Variants in CREBL2 observed in about 807,000 individuals in gnomAD.
CREBL2 encodes cAMP responsive element binding protein like 2.
In CREBL2, 4 loss-of-function variants were observed where a neutral mutation model predicts 19.5. The observed-to-expected ratio is 0.20, with a 90% CI of 0.10 to 0.47. The LOEUF (loss-of-function observed/expected upper bound fraction) is 0.47, where lower values mean the gene tolerates loss of function less well. Ranked by LOEUF, CREBL2 falls within the 20% of genes least tolerant of loss-of-function variation. CREBL2 has a pLI of 0.98. For synonymous variants in CREBL2, 42 were observed against 46.6 expected (o/e 0.90, Z 0.40); for missense variants, 85 against 145.1 (o/e 0.59, Z 2.13).
At chr12:12,621,103 G>T (rs1224022900) in intron 1 of CREBL2, among the ~76,000 whole-genome samples, 4 of 152,228 alleles carry the variant, frequency 2.6e-5, no homozygotes, top group Admixed American at 2.6e-4. Flanking sequence ...CAGACTTTCT[G>T]TAAAGGGCCA....
intron 1 of CREBL2, among the ~76,000 whole-genome samples, chr12:12,621,599 G>A (rs1246263447): frequency 6.6e-6 from 1 of 151,890 alleles, no homozygotes; most frequent in Non-Finnish European, 1.5e-5. Context: ...TTAACCCTGA[G>A]CTACAGCGTA....
At chr12:12,636,851 G>A (rs1187847548) in intron 2 of CREBL2, among the ~76,000 whole-genome samples, 1 of 152,228 alleles carries the variant, frequency 6.6e-6, no homozygotes, top group African/African-American at 2.4e-5. Flanking sequence ...GGGAGGAAGT[G>A]ACAGAAGAGA....
intron 1 of CREBL2, chr12:12,614,708 A>G: frequency 7.0e-6 from 2 of 285,268 alleles, no homozygotes; most frequent in Non-Finnish European, 1.4e-5. Context: ...GGAAGCTGTC[A>G]GCTCTTAAGA....
chr12:12,620,237 T>C (rs939759999), intron 1 of CREBL2, among the ~76,000 whole-genome samples: 2 of 49,172 alleles, frequency 4.1e-5, no homozygotes, highest in African/African-American at 7.2e-5. Context: ...TTTTCTTTTC[T>C]TTTTCTTTTT....
chr12:12,612,120 C>G lies in CREBL2; in HGVS notation c.-53C>G. 1 of 1,604,800 alleles carries G rather than the reference C, an allele frequency of 6.2e-7. No homozygotes were observed. Among genetic ancestry groups the G allele is most frequent in the South Asian group, 1.1e-5 (1 of 90,992 alleles). On this transcript the variant is annotated 5_prime_UTR_variant, in exon 1 of 4. Transcript: ENST00000228865. ...CGGGGGCCGGGCCAGGCCGGCTGAGCCGGGGGAGGGCTCCGGGAGGGAGTG... is the reference window on the plus strand; with the variant it reads ...CGGGGGCCGGGCCAGGCCGGCTGAGGCGGGGGAGGGCTCCGGGAGGGAGTG...
At chr12:12,628,934 G>A (rs544494014) in intron 1 of CREBL2, among the ~76,000 whole-genome samples, 4 of 152,254 alleles carry the variant, frequency 2.6e-5, no homozygotes, top group East Asian at 1.9e-4. Context: ...GACCATAAAC[G>A]TAAGGATTTA....
chr12:12,642,133 A>C lies in CREBL2; in HGVS notation c.*135A>C, dbSNP rs1945527781. On this transcript the variant is annotated 3_prime_UTR_variant, in exon 4 of 4. Transcript: ENST00000228865. ...TCATCTCTGTAAATCTGCAATTTCT[A>C]CCAAAATGTGTGATCGTAGATCTCA... The C allele has an allele frequency of 1.9e-6, 1 of 525,512 alleles. No individual in the cohort carries two copies. Among genetic ancestry groups the C allele is most frequent in the Admixed American group, 3.9e-5 (1 of 25,320 alleles). 32.6% of individuals were successfully genotyped at this position (525,512 alleles called of 1,614,324 possible). A position where few individuals can be genotyped will look rare whatever the true frequency, so the allele number is the denominator to read the frequency against.
At position 12,642,125 on chromosome 12, in the gene CREBL2, C is replaced by T; in HGVS notation, c.*127C>T. Reference sequence around the variant, plus strand: ...CTCAGTAGTCATCTCTGTAAATCTGCAATTTCTACCAAAATGTGTGATCGT... The same window carrying T: ...CTCAGTAGTCATCTCTGTAAATCTGTAATTTCTACCAAAATGTGTGATCGT... On this transcript the variant is annotated 3_prime_UTR_variant, in exon 4 of 4. Coordinates refer to ENST00000228865, the MANE Select transcript of CREBL2 (RefSeq NM_001310.4). 1 of 539,668 alleles carries T rather than the reference C, an allele frequency of 1.9e-6. No individual in the cohort carries two copies. Among genetic ancestry groups the T allele is most frequent in the South Asian group, 3.5e-5 (1 of 28,350 alleles). 33.4% of individuals were successfully genotyped at this position (539,668 alleles called of 1,614,324 possible). A position where few individuals can be genotyped will look rare whatever the true frequency, so the allele number is the denominator to read the frequency against.
intron 3 of CREBL2, among the ~76,000 whole-genome samples, chr12:12,639,444 C>T (rs1258267420): frequency 1.3e-5 from 2 of 152,180 alleles, no homozygotes; most frequent in African/African-American, 4.8e-5. Context: ...CCAATTTGTC[C>T]ACATCTCATC....
chr12:12,623,486 A>G (rs953770140), intron 1 of CREBL2, among the ~76,000 whole-genome samples: 1 of 152,244 alleles, frequency 6.6e-6, no homozygotes, highest in African/African-American at 2.4e-5. Context: ...TCTTAACAAA[A>G]TAAAACAAGA....
intron 1 of CREBL2, chr12:12,614,356 C>T (rs1284677571): frequency 2.0e-5 from 3 of 152,890 alleles, no homozygotes; most frequent in East Asian, 1.9e-4. Flanking sequence ...TTTTTTACCC[C>T]TATTATGCCA....
intron 1 of CREBL2, among the ~76,000 whole-genome samples, chr12:12,618,907 C>T (rs1201688048): frequency 2.0e-5 from 3 of 152,176 alleles, no homozygotes; most frequent in East Asian, 1.9e-4. Flanking sequence ...GGCGTGGCGG[C>T]GCACACCTGC....
At chr12:12,621,558 A>G (rs914817325) in intron 1 of CREBL2, among the ~76,000 whole-genome samples, 5 of 151,204 alleles carry the variant, frequency 3.3e-5, no homozygotes, top group East Asian at 3.9e-4. Context: ...GCAGCAGGCT[A>G]TATTTGAGTT....
intron 1 of CREBL2, among the ~76,000 whole-genome samples, chr12:12,623,817 C>T (rs535632569): frequency 3.3e-5 from 5 of 152,214 alleles, no homozygotes; most frequent in Non-Finnish European, 7.3e-5. Context: ...AGGAGCTTAT[C>T]CTCCATTATG....
intron 1 of CREBL2, chr12:12,632,672 C>A (rs1945449888): frequency 6.6e-6 from 1 of 152,080 alleles, no homozygotes; most frequent in African/African-American, 2.4e-5. Flanking sequence ...TATTTCACTA[C>A]AGACATGAGT....
intron 1 of CREBL2, among the ~76,000 whole-genome samples, chr12:12,627,848 G>C (rs1398666913): frequency 6.6e-6 from 1 of 152,156 alleles, no homozygotes; most frequent in African/African-American, 2.4e-5. Context: ...CAATGTATGA[G>C]GATTTCACTT....
In CREBL2 at chr12:12,636,359, A is replaced by G. The variant is rs550731294; in HGVS notation, c.213+385A>G. On this transcript the variant is annotated intron_variant, in intron 2 of 3. Transcript: ENST00000228865. ...GCTAAGTAGACAAAGCAATATAACA[A>G]TATGTAACTATGCATAGCATACCAT... 4.6e-5 allele frequency among the ~76,000 whole-genome samples: 7 copies of G among 152,334 alleles called. No homozygotes were observed. In the East Asian group the frequency reaches 1.3e-3, roughly 29 times the overall value.
rs1000349895 is a variant in CREBL2 at position 12,632,158 on chromosome 12, A to G, written c.16-3619A>G. ...AGTGGCGGGATCTCGGCTCACTGCA[A>G]GCTCCGCCTCCCGGGTTCACGCCAT... On this transcript the variant is annotated intron_variant, in intron 1 of 3. Transcript: ENST00000228865. 3.1e-5 allele frequency among the ~76,000 whole-genome samples: 4 copies of G among 129,064 alleles called. No individual in the cohort carries two copies. In the South Asian group the frequency reaches 7.4e-4, roughly 24 times the overall value. 84.7% of individuals were successfully genotyped at this position (129,064 alleles called of 152,430 possible).
intron 1 of CREBL2, among the ~76,000 whole-genome samples, chr12:12,624,535 G>T (rs1470157476): frequency 6.6e-6 from 1 of 152,228 alleles, no homozygotes; most frequent in African/African-American, 2.4e-5. Context: ...GTGAGCAAAT[G>T]AGTGAGGGAA....
Sources: gnomAD v4.1 joint callset for allele counts (sites outside exome capture counted in the v4.1 genomes callset) on GRCh38, gnomAD v4.1.1 for gene constraint, MANE v1.5 for transcripts, NCBI Gene and HGNC (gene_info 2026-07-23, HGNC 2026-07-21) for gene names.